The following TRAPPC10 variants were observed in gnomAD, a reference collection of about 807,000 sequenced individuals.
TRAPPC10 encodes the protein TRAPP 130 kDa subunit.
In TRAPPC10, 23 loss-of-function variants were observed where a neutral mutation model predicts 125.5. That is an observed-to-expected ratio of 0.18 (90% CI 0.13 to 0.26). The LOEUF (loss-of-function observed/expected upper bound fraction) is 0.26, where lower values mean the gene tolerates loss of function less well. TRAPPC10 is among the 10% of genes least tolerant of loss of function. TRAPPC10 has a pLI of 1.00. For synonymous variants in TRAPPC10, 509 were observed against 518.0 expected, an observed-to-expected ratio of 0.98 and a Z score of 0.24; for missense variants, 1,123 against 1,308.4, an observed-to-expected ratio of 0.86 and a Z score of 2.19.
chr21:44,075,296 G>A (rs748169758), intron 9 of TRAPPC10, 143 bp downstream of exon 9: 1 of 615,032 alleles, frequency 1.6e-6, no homozygotes. Context: ...TAGCTGACTG[G>A]ATTAAAGCAC....
chr21:44,052,066 C>T (rs1256053803), intron 3 of TRAPPC10, among the ~76,000 whole-genome samples: 1 of 152,194 alleles, frequency 6.6e-6, no homozygotes, highest in African/African-American at 2.4e-5. Context: ...GTTGTGAGAA[C>T]TGGGGATCAT....
intron 3 of TRAPPC10, among the ~76,000 whole-genome samples, chr21:44,050,253 G>A (rs1305781488): frequency 2.0e-5 from 3 of 152,064 alleles, no homozygotes; most frequent in Non-Finnish European, 4.4e-5. Context: ...GAACTTCTCT[G>A]TACTCCCTCT....
chr21:44,037,339 G>A (rs1247764915), intron 2 of TRAPPC10, among the ~76,000 whole-genome samples: 4 of 152,102 alleles, frequency 2.6e-5, no homozygotes, highest in East Asian at 1.9e-4. Context: ...TTATATTTTC[G>A]CCAAATAACT....
chr21:44,056,433 G>A (rs142358211), intron 5 of TRAPPC10, among the ~76,000 whole-genome samples: 150 of 152,284 alleles, frequency 9.9e-4, no homozygotes, highest in Non-Finnish European at 1.9e-3. Flanking sequence ...CCCCCAAGAT[G>A]TCTGTCAGCT....
chr21:44,059,247 T>C lies in TRAPPC10; in HGVS notation c.790+33T>C. On this transcript the variant is annotated intron_variant, in intron 6 of 22. Coordinates refer to ENST00000291574, the MANE Select transcript of TRAPPC10 (RefSeq NM_003274.5). The surrounding 1 kb of genome is among the most constrained non-coding windows in gnomAD (Gnocchi z 4.4). ...GTGGCACTTCAGTAACGCATGCTTT[T>C]CTTAGTGTGGCTTTCTCCAACTTCA... 6.7e-7 allele frequency: 1 copy of C among 1,499,394 alleles called. No homozygotes were observed. The highest frequency in any genetic ancestry group is 2.3e-5 in the East Asian group (1 of 44,012). The allele number at this position is 1,499,394 out of a possible 1,614,324, so 92.9% of individuals were successfully genotyped here. A position where few individuals can be genotyped will look rare whatever the true frequency, so the allele number is the denominator to read the frequency against.
intron 13 of TRAPPC10, among the ~76,000 whole-genome samples, chr21:44,081,017 CTTTTTTTTTTTTTTT>C (rs67865929): frequency 0.027 from 2,587 of 97,380 alleles, 96 homozygotes; most frequent in African/African-American, 0.1. Context: ...TTTTTTTTTT[CTTTTTTTTTTTTTTT>C]TTTTTGACTA....
chr21:44,035,777 CAAAAAATAAAATG>C (rs1311183207), intron 2 of TRAPPC10, among the ~76,000 whole-genome samples: 3 of 151,208 alleles, frequency 2.0e-5, no homozygotes, highest in African/African-American at 7.3e-5. Context: ...AACTCTGGCT[CAAAAAATAAAATG>C]AAATAAAACA....
At position 44,087,413 on chromosome 21, in the gene TRAPPC10, G is replaced by A. The variant is rs1301235177; in HGVS notation, c.2540-286G>A. On this transcript the variant is annotated intron_variant, in intron 16 of 22. Coordinates refer to ENST00000291574, the MANE Select transcript of TRAPPC10 (RefSeq NM_003274.5). The surrounding 1 kb of genome is among the most constrained non-coding windows in gnomAD (Gnocchi z 4.6). ...GGTGGATCTGCGGATGAGCTGGAACGGGAGAAAGTCATGCAGGGACCTACA... is the reference window on the plus strand; with the variant it reads ...GGTGGATCTGCGGATGAGCTGGAACAGGAGAAAGTCATGCAGGGACCTACA... Among the ~76,000 whole-genome samples the A allele has an allele frequency of 1.3e-5, 2 of 152,002 alleles. No individual in the cohort carries two copies. The highest frequency in any genetic ancestry group is 6.6e-5 in the Admixed American group (1 of 15,262).
intron 13 of TRAPPC10, 84 bp downstream of exon 13, chr21:44,080,211 A>G: frequency 8.7e-7 from 1 of 1,144,420 alleles, no homozygotes; most frequent in Non-Finnish European, 1.3e-6. Context: ...CCAACCACTT[A>G]CAGTAAACAG....
chr21:44,016,375 G>A (rs1410336407), intron 1 of TRAPPC10, among the ~76,000 whole-genome samples: 1 of 152,120 alleles, frequency 6.6e-6, no homozygotes, highest in East Asian at 1.9e-4. Flanking sequence ...AGTGATTTGT[G>A]GCTTTTCTTT....
In TRAPPC10 at chr21:44,074,486, A is replaced by T. The variant is rs1410895385; in HGVS notation, c.1185+16A>T. On this transcript the variant is annotated intron_variant, in intron 8 of 22. Coordinates refer to ENST00000291574, the MANE Select transcript of TRAPPC10 (RefSeq NM_003274.5). ...CACAGAAAAGGTGCCTACCTGCCCAAGTGTGGAATGCTCACGTTGTCTCTG... is the reference window on the plus strand; with the variant it reads ...CACAGAAAAGGTGCCTACCTGCCCATGTGTGGAATGCTCACGTTGTCTCTG... The T allele has an allele frequency of 6.2e-7, 1 of 1,614,042 alleles. No individual in the cohort carries two copies. The highest frequency in any genetic ancestry group is 2.2e-5 in the East Asian group (1 of 44,886).
intron 5 of TRAPPC10, among the ~76,000 whole-genome samples, chr21:44,056,511 G>A (rs533708962): frequency 6.6e-6 from 1 of 152,278 alleles, no homozygotes; most frequent in South Asian, 2.1e-4. Flanking sequence ...AAATGATAAG[G>A]CCGCTTCTGC....
intron 7 of TRAPPC10, among the ~76,000 whole-genome samples, chr21:44,071,471 G>A (rs1300060470): frequency 6.6e-6 from 1 of 152,180 alleles, no homozygotes; most frequent in Non-Finnish European, 1.5e-5. Context: ...TACTGTGGAA[G>A]GTCTCGCTGC....
chr21:44,053,800 C>T (rs1013367322), intron 4 of TRAPPC10, among the ~76,000 whole-genome samples: 9 of 152,302 alleles, frequency 5.9e-5, no homozygotes, highest in Middle Eastern at 3.4e-3. Flanking sequence ...GGGATCACGC[C>T]GCTCTCCAGA....
chr21:44,012,698 G>C lies in TRAPPC10; in HGVS notation c.67+138G>C. ...GCTTCCTGGAGGTGTGACCAGGGCT[G>C]CGGCTGAGGCGGGGCCCTCTGACTT... On this transcript the variant is annotated intron_variant, in intron 1 of 22. Transcript: ENST00000291574. The C allele has an allele frequency of 4.3e-6, 3 of 691,574 alleles. No homozygotes were observed. In the South Asian group the frequency reaches 6.0e-5, roughly 14 times the overall value. 42.8% of individuals were successfully genotyped at this position (691,574 alleles called of 1,614,324 possible). A position where few individuals can be genotyped will look rare whatever the true frequency, so the allele number is the denominator to read the frequency against.
At chr21:44,036,879 A>G (rs576516820) in intron 2 of TRAPPC10, among the ~76,000 whole-genome samples, 10 of 152,360 alleles carry the variant, frequency 6.6e-5, no homozygotes, top group Middle Eastern at 6.8e-3. Context: ...GAGAATTAAA[A>G]TGCAACCAAC....
chr21:44,081,017 CTTTTTT>C (rs67865929), intron 13 of TRAPPC10, among the ~76,000 whole-genome samples: 1 of 97,196 alleles, frequency 1.0e-5, no homozygotes, highest in Non-Finnish European at 2.0e-5. Flanking sequence ...TTTTTTTTTT[CTTTTTT>C]TTTTTTTTTT....
At chr21:44,078,161 A>C (rs552650209) in intron 11 of TRAPPC10, among the ~76,000 whole-genome samples, 1 of 152,322 alleles carries the variant, frequency 6.6e-6, no homozygotes, top group East Asian at 1.9e-4. Flanking sequence ...GAAAAACCTC[A>C]AGGCCATTGA....
At chr21:44,029,808 A>G (rs565341883) in intron 1 of TRAPPC10, among the ~76,000 whole-genome samples, 1 of 152,326 alleles carries the variant, frequency 6.6e-6, no homozygotes, top group East Asian at 1.9e-4. Flanking sequence ...TGAAGACCTC[A>G]TTTTAACTAA....
Sources: gnomAD v4.1 joint callset for allele counts (sites outside exome capture counted in the v4.1 genomes callset) on GRCh38, gnomAD v4.1.1 for gene constraint, Gnocchi (gnomAD v3.1) non-coding constraint, MANE v1.5 for transcripts, NCBI Gene and HGNC (gene_info 2026-07-23, HGNC 2026-07-21) for gene names.